Variants in TACC1 observed in about 807,000 individuals in gnomAD.
TACC1 encodes transforming acidic coiled-coil containing protein 1.
In TACC1, 48 loss-of-function variants were observed where a neutral mutation model predicts 84.4. The observed-to-expected ratio is 0.57, with a 90% CI of 0.45 to 0.72. TACC1 has a LOEUF of 0.72. Ranked by LOEUF, TACC1 falls within the 30% of genes least tolerant of loss-of-function variation. The probability of loss-of-function intolerance (pLI) is 0.00; values close to 1 mark genes in which losing one functional copy is unlikely to be tolerated. For synonymous variants in TACC1, 372 were observed against 376.3 expected (o/e 0.99, Z 0.13); for missense variants, 920 against 973.0 (o/e 0.95, Z 0.72).
intron 3 of TACC1, among the ~76,000 whole-genome samples, chr8:38,781,503 G>A (rs916010638): frequency 7.9e-5 from 12 of 151,580 alleles, no homozygotes; most frequent in African/African-American, 2.4e-4. Flanking sequence ...TGTGTCAGCC[G>A]TCTGAGTAGC....
At chr8:38,791,098 G>C (rs1237087550) in intron 2 of TACC1, among the ~76,000 whole-genome samples, 1 of 152,090 alleles carries the variant, frequency 6.6e-6, no homozygotes, top group African/African-American at 2.4e-5. Flanking sequence ...ATTGCCATCA[G>C]CTTGGGCGGC....
At chr8:38,839,248 A>G in intron 8 of TACC1, 1 of 387,910 alleles carries the variant, frequency 2.6e-6, no homozygotes, top group Non-Finnish European at 4.6e-6. Flanking sequence ...ACCACCAAAT[A>G]GATGATAGAA....
chr8:38,815,483 G>A (rs556884069), intron 2 of TACC1, among the ~76,000 whole-genome samples: 12 of 152,000 alleles, frequency 7.9e-5, no homozygotes, highest in South Asian at 4.2e-4. Context: ...GCAGTGGTGC[G>A]ATCTCGGCTC....
At chr8:38,762,858 G>A (rs1432662969) in intron 3 of TACC1, among the ~76,000 whole-genome samples, 1 of 152,076 alleles carries the variant, frequency 6.6e-6, no homozygotes, top group African/African-American at 2.4e-5. Flanking sequence ...CCCACCTTTT[G>A]GCTCTTGTGA....
At chr8:38,755,917 C>T (rs566569788) in intron 3 of TACC1, among the ~76,000 whole-genome samples, 3 of 151,724 alleles carry the variant, frequency 2.0e-5, no homozygotes, top group South Asian at 2.1e-4. Context: ...TGGGTTCAAG[C>T]GATTCTCCTG....
chr8:38,834,478 G>A (rs1447413694), intron 6 of TACC1, among the ~76,000 whole-genome samples: 1 of 152,166 alleles, frequency 6.6e-6, no homozygotes, highest in Admixed American at 6.5e-5. Flanking sequence ...TTACTGGGGG[G>A]CATTTTAGAG....
At chr8:38,768,841 T>C (rs1298928626) in intron 3 of TACC1, among the ~76,000 whole-genome samples, 1 of 149,866 alleles carries the variant, frequency 6.7e-6, no homozygotes, top group African/African-American at 2.5e-5. Flanking sequence ...ACTCAATGTG[T>C]GGGTGGGGGT....
In TACC1 at chr8:38,820,315, C is replaced by T. The variant is rs747558207; in HGVS notation, c.1071C>T (p.Gly357=). The T allele has an allele frequency of 4.3e-6, 7 of 1,614,030 alleles. No individual in the cohort carries two copies. The highest frequency in any genetic ancestry group is 2.2e-5 in the South Asian group (2 of 91,074). The change falls in exon 3 of 13, where the codon GGC becomes GGT. Residue 357 remains glycine (G), a synonymous_variant. Transcript: ENST00000317827. ...TGACTCCCAAGATACAAAAAGATGG[C>T]ATCAGTAAGTCAGCAGGTTTAGAAC... is the stretch of plus-strand genomic sequence containing the variant. ...STLTPKIQKD[G]ISKSAGLEQP... is the part of the protein sequence containing the mutation.
intron 3 of TACC1, among the ~76,000 whole-genome samples, chr8:38,781,010 G>T (rs566778678): frequency 6.6e-6 from 1 of 152,308 alleles, no homozygotes; most frequent in South Asian, 2.1e-4. Flanking sequence ...AAGGAATTAA[G>T]TTGGAGTTGG....
intron 3 of TACC1, among the ~76,000 whole-genome samples, chr8:38,774,251 T>C (rs1814327996): frequency 6.6e-6 from 1 of 152,220 alleles, no homozygotes; most frequent in African/African-American, 2.4e-5. Flanking sequence ...CAGAGCCCCC[T>C]GCAGTTCTTA....
At chr8:38,728,677 A>C (rs757466639) in intron 1 of TACC1, 1 of 152,318 alleles carries the variant, frequency 6.6e-6, no homozygotes, top group Non-Finnish European at 1.5e-5. Flanking sequence ...AAGAGGTAGG[A>C]AACGGGGGAC....
chr8:38,831,809 CTTT>C (rs34500240), intron 6 of TACC1, among the ~76,000 whole-genome samples: 2 of 142,496 alleles, frequency 1.4e-5, no homozygotes, highest in Non-Finnish European at 1.5e-5. Context: ...TTACTCAGTT[CTTT>C]TTTTTTTTTT....
intron 11 of TACC1, chr8:38,846,107 C>T (rs1436364421): frequency 2.6e-5 from 4 of 151,012 alleles, no homozygotes; most frequent in South Asian, 2.1e-4. Flanking sequence ...GGTGAAACCC[C>T]GTCTCTACTA....
At position 38,820,256 on chromosome 8, in the gene TACC1, CCA is replaced by C; in HGVS notation, c.1013_1014del (p.Pro338GlnfsTer9). 6.2e-7 allele frequency: 1 copy of C among 1,614,106 alleles called. No homozygotes were observed. The highest frequency in any genetic ancestry group is 8.5e-7 in the Non-Finnish European group (1 of 1,179,996). On this transcript the variant is annotated frameshift_variant, in exon 3 of 13. Coordinates refer to ENST00000317827, the MANE Select transcript of TACC1 (RefSeq NM_006283.3). LOFTEE classifies it high-confidence loss of function. ...AAACATAGAGGCCAGGAAAGCCCTT[CCA>C]AGGAAGCTTGGCAGGAAACTGGGTA... ...TGNIEARKALPRKLGRKLGST... is the reference protein window; with the variant it reads ...TGNIEARKALXRKLGRKLGST...
At position 38,820,447 on chromosome 8, in the gene TACC1, T is replaced by C. The variant is rs150543119; in HGVS notation, c.1203T>C (p.Ser401=). ...GCTTCAACCCCTTTGGGAGCCACTCTGTTCTGCAGAACTCCCCACCCCTCT... is the reference window on the plus strand; with the variant it reads ...GCTTCAACCCCTTTGGGAGCCACTCCGTTCTGCAGAACTCCCCACCCCTCT... ...SPSFNPFGSH[S]VLQNSPPLSS... The change falls in exon 3 of 13, where the codon TCT becomes TCC. Residue 401 remains serine (S), a synonymous_variant. Transcript: ENST00000317827. 2 of 1,614,088 alleles carry C rather than the reference T, an allele frequency of 1.2e-6. No individual in the cohort carries two copies. The highest frequency in any genetic ancestry group is 2.7e-5 in the African/African-American group (2 of 74,942).
chr8:38,762,303 C>T (rs1045055818), intron 3 of TACC1, among the ~76,000 whole-genome samples: 6 of 152,116 alleles, frequency 3.9e-5, no homozygotes, highest in Non-Finnish European at 7.3e-5. Flanking sequence ...CAGCCCCCGG[C>T]ACCCACCATC....
At chr8:38,758,678 CAAA>C (rs773304871) in intron 3 of TACC1, among the ~76,000 whole-genome samples, 2 of 26,110 alleles carry the variant, frequency 7.7e-5, no homozygotes, top group African/African-American at 8.9e-5. Flanking sequence ...GACTCCATCT[CAAA>C]AAAAAAAAAA....
At chr8:38,750,646 T>TG (rs1248680570) in intron 3 of TACC1, among the ~76,000 whole-genome samples, 230 of 152,340 alleles carry the variant, frequency 1.5e-3, no homozygotes, top group African/African-American at 4.7e-3. Context: ...GGATAAAATA[T>TG]ACAAAAATCA....
chr8:38,797,155 AGAGT>A (rs2152050262), intron 2 of TACC1, among the ~76,000 whole-genome samples: 1 of 152,380 alleles, frequency 6.6e-6, no homozygotes, highest in South Asian at 2.1e-4. Flanking sequence ...TGGCTGCCCC[AGAGT>A]GAGTGATCCA....
Sources: allele counts gnomAD v4.1 joint callset (sites outside exome capture counted in the v4.1 genomes callset), GRCh38; gene constraint gnomAD v4.1.1; transcripts MANE v1.5; gene names NCBI Gene and HGNC (gene_info 2026-07-23, HGNC 2026-07-21).